The following METTL4 variants were observed in gnomAD, a reference collection of about 807,000 sequenced individuals.
METTL4 encodes the protein N(6)-adenine-specific methyltransferase METTL4.
In METTL4, 40 loss-of-function variants were observed where a neutral mutation model predicts 54.0. The ratio of observed to expected loss-of-function variants is 0.74; its 90% CI spans 0.58 to 0.96. The LOEUF (loss-of-function observed/expected upper bound fraction) is 0.96, where lower values mean the gene tolerates loss of function less well. Ranked by LOEUF, METTL4 falls within the 50% of genes least tolerant of loss-of-function variation. The pLI, the probability that METTL4 is intolerant of heterozygous loss-of-function variation, is 0.00. For synonymous variants in METTL4, 169 were observed against 183.8 expected (o/e 0.92, Z 0.65); for missense variants, 525 against 549.0 (o/e 0.96, Z 0.44).
chr18:2,568,817 C>G, intron 1 of METTL4: 1 of 209,810 alleles, frequency 4.8e-6, no homozygotes, highest in Admixed American at 4.3e-5. Context: ...ATGATAAAGA[C>G]ATGACACTTA....
intron 2 of METTL4, among the ~76,000 whole-genome samples, chr18:2,564,765 C>T (rs1486943539): frequency 1.3e-5 from 2 of 152,140 alleles, no homozygotes; most frequent in South Asian, 2.1e-4. Flanking sequence ...ACATTTATTA[C>T]ATAGGTTCAT....
At chr18:2,552,595 A>G (rs1027463155) in intron 5 of METTL4, 100 bp downstream of exon 5, 5 of 771,156 alleles carry the variant, frequency 6.5e-6, no homozygotes, top group African/African-American at 3.6e-5. Flanking sequence ...TAGTAGTTTC[A>G]GATAATCTAT....
At chr18:2,566,070 T>A (rs1164343675) in intron 2 of METTL4, among the ~76,000 whole-genome samples, 52 of 145,270 alleles carry the variant, frequency 3.6e-4, no homozygotes, top group South Asian at 6.4e-4. Flanking sequence ...AATAAATAAA[T>A]AAATAAATAA....
chr18:2,547,211 A>C (rs187073067), intron 6 of METTL4, 144 bp downstream of exon 6: 1 of 533,456 alleles, frequency 1.9e-6, no homozygotes, highest in African/African-American at 2.0e-5. Context: ...AAAAATATAA[A>C]AGTGGTAAGC....
intron 6 of METTL4, among the ~76,000 whole-genome samples, chr18:2,546,290 G>A (rs946948757): frequency 6.6e-6 from 1 of 152,040 alleles, no homozygotes; most frequent in African/African-American, 2.4e-5. Flanking sequence ...TATTTTGAGA[G>A]AGAGACCACA....
chr18:2,566,510 G>C (rs1025036418), intron 2 of METTL4, among the ~76,000 whole-genome samples: 3 of 152,018 alleles, frequency 2.0e-5, no homozygotes, highest in South Asian at 2.1e-4. Context: ...TCAAGAAAAG[G>C]GTTTTGGGGG....
At chr18:2,559,517 A>AT (rs1475426969) in intron 3 of METTL4, among the ~76,000 whole-genome samples, 3 of 152,184 alleles carry the variant, frequency 2.0e-5, no homozygotes, top group Admixed American at 2.0e-4. Flanking sequence ...GACACTCTGA[A>AT]TGTACTTAGT....
At chr18:2,548,149 C>T (rs2072099926) in intron 5 of METTL4, among the ~76,000 whole-genome samples, 1 of 152,162 alleles carries the variant, frequency 6.6e-6, no homozygotes, top group Non-Finnish European at 1.5e-5. Context: ...CCACTGGGTT[C>T]TCTAAAGCCC....
rs1321714945 is a variant in METTL4, at chr18:2,563,790, C to T, written c.459+7G>A. ...TCCAATGTGATCAATGAACATTTTA[C>T]ACTTACCTTTGTATGGTATTCCATA... On this transcript the variant is annotated splice_region_variant and intron_variant, in intron 3 of 8. Coordinates refer to ENST00000574538, the MANE Select transcript of METTL4 (RefSeq NM_022840.5). The T allele has an allele frequency of 7.6e-6, 12 of 1,588,798 alleles. No individual in the cohort carries two copies. The highest frequency in any genetic ancestry group is 1.0e-5 in the Non-Finnish European group (12 of 1,164,932).
Position 2,552,716 on chromosome 18 carries a change from T to A in METTL4, c.878A>T (p.Lys293Ile), listed in dbSNP as rs1249588630. ...VIVIDPPWQN[K>I]SVKRSNRYSY... ...TTACCTATTACTTCTTTTAACTGAT[T>A]TGTTCTGCCATGGTGGATCTATCAC... is the stretch of plus-strand genomic sequence containing the variant. Residue 293 changes from lysine (K) to isoleucine (I), a missense_variant, in exon 5 of 9, where the codon AAA becomes ATA. Transcript: ENST00000574538. The A allele has an allele frequency of 6.2e-7, 1 of 1,611,296 alleles. No homozygotes were observed. Among genetic ancestry groups the A allele is most frequent in the Non-Finnish European group, 8.5e-7 (1 of 1,178,914 alleles).
chr18:2,566,008 C>A (rs1205576295), intron 2 of METTL4, among the ~76,000 whole-genome samples: 14 of 149,594 alleles, frequency 9.4e-5, no homozygotes, highest in Middle Eastern at 3.5e-3. Context: ...GATAGCACCA[C>A]TGCACTCCAG....
chr18:2,544,359 G>A (rs886542767), intron 7 of METTL4, 73 bp from the exon 8 acceptor site: 2 of 1,064,674 alleles, frequency 1.9e-6, no homozygotes, highest in Non-Finnish European at 2.7e-6. Flanking sequence ...CAGCTGCATT[G>A]ATTTTTGTTC....
chr18:2,552,649 A>G (rs776199286), intron 5 of METTL4, 46 bp downstream of exon 5: 1 of 1,245,896 alleles, frequency 8.0e-7, no homozygotes, highest in South Asian at 1.2e-5. Flanking sequence ...TAATGTACAA[A>G]GGACTACAGT....
At chr18:2,543,042 T>C (rs2072017119) in intron 8 of METTL4, among the ~76,000 whole-genome samples, 1 of 148,964 alleles carries the variant, frequency 6.7e-6, no homozygotes, top group Non-Finnish European at 1.5e-5. Flanking sequence ...GAGAATCACT[T>C]GAACCCAGGA....
chr18:2,567,427 A>G lies in METTL4; in HGVS notation c.-211T>C, dbSNP rs1419648368. 5.2e-6 allele frequency: 2 copies of G among 387,012 alleles called. No homozygotes were observed. Among genetic ancestry groups the G allele is most frequent in the Non-Finnish European group, 9.1e-6 (2 of 220,962 alleles). The allele number at this position is 387,012 out of a possible 1,614,324, so 24.0% of individuals were successfully genotyped here. ...ATACAGAAATTCTAAGGAAAATTGCAATGTTTTAATATAAACTTTCTTTTT... is the reference window on the plus strand; with the variant it reads ...ATACAGAAATTCTAAGGAAAATTGCGATGTTTTAATATAAACTTTCTTTTT... On this transcript the variant is annotated 5_prime_UTR_variant, in exon 2 of 9. Transcript: ENST00000574538.
intron 2 of METTL4, among the ~76,000 whole-genome samples, chr18:2,564,123 G>C (rs1387833295): frequency 6.6e-6 from 1 of 152,110 alleles, no homozygotes; most frequent in Admixed American, 6.5e-5. Context: ...ACTAGTTCTG[G>C]CCGGGCACGG....
chr18:2,557,632 T>C (rs190950043), intron 3 of METTL4, among the ~76,000 whole-genome samples: 1 of 152,302 alleles, frequency 6.6e-6, no homozygotes, highest in Non-Finnish European at 1.5e-5. Context: ...TTCCCTAAGC[T>C]TGGGATCCTT....
intron 4 of METTL4, chr18:2,553,208 C>A (rs988782602): frequency 6.6e-6 from 1 of 152,546 alleles, no homozygotes; most frequent in East Asian, 1.9e-4. Flanking sequence ...GACCCAGGAT[C>A]AAAGCCAGGA....
intron 3 of METTL4, chr18:2,562,038 A>T (rs1459924053): frequency 6.6e-6 from 1 of 152,078 alleles, no homozygotes; most frequent in Non-Finnish European, 1.5e-5. Flanking sequence ...CCACAATAAG[A>T]TACCACTTTA....
Sources: gnomAD v4.1 joint callset for allele counts (sites outside exome capture counted in the v4.1 genomes callset) on GRCh38, gnomAD v4.1.1 for gene constraint, MANE v1.5 for transcripts, NCBI Gene and HGNC (gene_info 2026-07-23, HGNC 2026-07-21) for gene names.